The following MEIS1 variants were observed in gnomAD, a reference collection of about 807,000 sequenced individuals.
MEIS1 encodes homeobox protein Meis1.
A neutral mutation model predicts 50.8 loss-of-function variants in MEIS1; 5 were observed. The ratio of observed to expected loss-of-function variants is 0.10; its 90% CI spans 0.05 to 0.21. The LOEUF (loss-of-function observed/expected upper bound fraction) is 0.21. Ranked by LOEUF, MEIS1 falls within the 10% of genes least tolerant of loss-of-function variation. The pLI is 1.00. For missense variants in MEIS1, 318 were observed against 517.3 expected, an observed-to-expected ratio of 0.61 and a Z score of 3.74; for synonymous variants, 176 against 179.3, an observed-to-expected ratio of 0.98 and a Z score of 0.15.
At chr2:66,535,542 C>G (rs761756038) in intron 8 of MEIS1, among the ~76,000 whole-genome samples, 1 of 152,116 alleles carries the variant, frequency 6.6e-6, no homozygotes, top group African/African-American at 2.4e-5. Flanking sequence ...ACATCTGTGC[C>G]GGCATCCGCA....
rs1203636543 is a variant in MEIS1 at position 66,442,913 on chromosome 2, A to G, written c.495A>G (p.Leu165=). 6 of 1,591,082 alleles carry G rather than the reference A, an allele frequency of 3.8e-6. No individual in the cohort carries two copies. Among genetic ancestry groups the G allele is most frequent in the Non-Finnish European group, 5.1e-6 (6 of 1,173,212 alleles). ...CTGTCATAATGTAGGTACACGAATT[A>G]TGTGACAATTTCTGCCACCGGTATA... ...HLLELEKVHE[L]CDNFCHRYIS... is the part of the protein sequence containing the mutation. Residue 165 remains leucine (L), a synonymous_variant, in exon 6 of 13, where the codon TTA becomes TTG. Coordinates refer to ENST00000272369, the MANE Select transcript of MEIS1 (RefSeq NM_002398.3).
chr2:66,551,801 C>T (rs1412417246), intron 9 of MEIS1, among the ~76,000 whole-genome samples: 1 of 151,764 alleles, frequency 6.6e-6, no homozygotes, highest in East Asian at 1.9e-4. Context: ...TCTTTGGTCC[C>T]TTGCTCCCAA....
At chr2:66,568,867 C>T (rs953079485) in intron 11 of MEIS1, 111 bp downstream of exon 11, 5 of 1,152,558 alleles carry the variant, frequency 4.3e-6, no homozygotes, top group East Asian at 2.3e-5. Flanking sequence ...AGCTGGCTGC[C>T]TTGCCTTGTC....
chr2:66,541,738 G>C (rs1674657355), intron 8 of MEIS1, among the ~76,000 whole-genome samples: 1 of 152,200 alleles, frequency 6.6e-6, no homozygotes, highest in Non-Finnish European at 1.5e-5. Flanking sequence ...AACATTTCTG[G>C]CTTCTTAGCC....
chr2:66,512,045 C>T (rs1306724586), intron 7 of MEIS1, 104 bp from the exon 8 acceptor site: 2 of 1,249,512 alleles, frequency 1.6e-6, no homozygotes, highest in African/African-American at 1.6e-5. Context: ...AACTATTAAT[C>T]ATTTAAATTT....
At chr2:66,540,250 T>C (rs1237692956) in intron 8 of MEIS1, among the ~76,000 whole-genome samples, 1 of 152,222 alleles carries the variant, frequency 6.6e-6, no homozygotes, top group African/African-American at 2.4e-5. Flanking sequence ...GATTCAAAAA[T>C]GACACTTCAA....
rs377432573 is a variant in MEIS1, at chr2:66,449,776, A to G, written c.630+6728A>G. On this transcript the variant is annotated intron_variant, in intron 6 of 12. Transcript: ENST00000272369. Reference sequence around the variant, plus strand: ...GACTTTCTTCAAACACTCTTGCTAAATAGCATTTCTTAATCTAGAAAATAT... The same window carrying G: ...GACTTTCTTCAAACACTCTTGCTAAGTAGCATTTCTTAATCTAGAAAATAT... Among the ~76,000 whole-genome samples, 7 of 152,336 alleles carry G rather than the reference A, an allele frequency of 4.6e-5. No individual in the cohort carries two copies. The East Asian group carries it at 9.6e-4, about 21-fold the overall frequency.
intron 9 of MEIS1, among the ~76,000 whole-genome samples, chr2:66,550,789 C>T (rs1170690742): frequency 1.3e-5 from 2 of 152,140 alleles, no homozygotes; most frequent in African/African-American, 4.8e-5. Context: ...TGAGCTACTG[C>T]ACCCACTTAT....
rs201596768 is a variant in MEIS1, at chr2:66,464,104, C to T, written c.631-5C>T. 1 of 1,586,774 alleles carries T rather than the reference C, an allele frequency of 6.3e-7. No homozygotes were observed. Among genetic ancestry groups the T allele is most frequent in the Middle Eastern group, 1.7e-4 (1 of 6,014 alleles). ...TATTTGGGTTTCTGATTTGTGCCCC[C>T]ACAGCCCTCTTGGAACAGAGATCAT... On this transcript the variant is annotated splice_polypyrimidine_tract_variant and splice_region_variant and intron_variant, in intron 6 of 12. Transcript: ENST00000272369.
chr2:66,467,389 G>C (rs1672664944), intron 7 of MEIS1, among the ~76,000 whole-genome samples: 1 of 152,064 alleles, frequency 6.6e-6, no homozygotes. Flanking sequence ...ACAAGGTCAG[G>C]AGTTCAAGAC....
At chr2:66,495,080 CTTTTTTTTTTTTTTTTT>C (rs70943701) in intron 7 of MEIS1, among the ~76,000 whole-genome samples, 1 of 91,492 alleles carries the variant, frequency 1.1e-5, no homozygotes, top group Non-Finnish European at 2.1e-5. Flanking sequence ...CTCTTCTGAC[CTTTTTTTTTTTTTTTTT>C]TTTTTTTTTT....
intron 8 of MEIS1, among the ~76,000 whole-genome samples, chr2:66,529,766 G>A (rs931115627): frequency 3.9e-5 from 6 of 152,178 alleles, no homozygotes; most frequent in Non-Finnish European, 8.8e-5. Flanking sequence ...TAACAAGAAG[G>A]CATGGTTTTT....
Position 66,499,223 on chromosome 2 carries a change from T to C in MEIS1, c.743-12926T>C, listed in dbSNP as rs575043921. 4.6e-5 allele frequency among the ~76,000 whole-genome samples: 7 copies of C among 152,324 alleles called. No homozygotes were observed. In the South Asian group the frequency reaches 8.3e-4, roughly 18 times the overall value. ...AAGAGAATAACAAGTCTTTATTTTT[T>C]TCATCCCAACTTCTTTCTTGCACAT... On this transcript the variant is annotated intron_variant, in intron 7 of 12. Transcript: ENST00000272369.
In MEIS1 at chr2:66,565,634, C is replaced by T. The variant is rs141487794; in HGVS notation, c.966-1819C>T. The stretch of plus-strand genomic sequence containing the variant: ...ACCTAATTTCTCTGAGCCCAGGCTT[C>T]TCATCTGTTAAAAATGTCTCTTCCT... On this transcript the variant is annotated intron_variant, in intron 9 of 12. Transcript: ENST00000272369. Among the ~76,000 whole-genome samples the T allele has an allele frequency of 1.2e-4, 19 of 152,252 alleles. No individual in the cohort carries two copies. The East Asian group carries it at 3.7e-3, about 29-fold the overall frequency.
chr2:66,517,907 G>C (rs1028526043), intron 8 of MEIS1, among the ~76,000 whole-genome samples: 6 of 152,162 alleles, frequency 3.9e-5, no homozygotes, highest in African/African-American at 1.4e-4. Context: ...AAACTGAAAA[G>C]GCTACAGCTG....
rs750403096 is a variant in MEIS1 at position 66,512,238 on chromosome 2, A to G, written c.832A>G (p.Ile278Val). 1.2e-5 allele frequency: 20 copies of G among 1,612,954 alleles called. No homozygotes were observed. The highest frequency in any genetic ancestry group is 1.6e-5 in the Non-Finnish European group (19 of 1,179,594). Residue 278 changes from isoleucine to valine, a missense_variant, in exon 8 of 13, where the codon ATC becomes GTC. This residue lies in a region of MEIS1 where 40 missense variants were observed against 102.8 expected (regional missense o/e 0.39). Transcript: ENST00000272369. Reference protein sequence around the residue: ...KDKKRHKKRGIFPKVATNIMR... With the variant: ...KDKKRHKKRGVFPKVATNIMR... ...CAAAAAGCGTCACAAAAAGCGTGGC[A>G]TCTTTCCCAAAGTAGCCACAAATAT...
chr2:66,531,617 A>G (rs2103895041), intron 8 of MEIS1, among the ~76,000 whole-genome samples: 1 of 152,342 alleles, frequency 6.6e-6, no homozygotes, highest in Non-Finnish European at 1.5e-5. Flanking sequence ...GTACACGGTT[A>G]CACAACGCAT....
At chr2:66,564,407 C>T (rs1379211694) in intron 9 of MEIS1, among the ~76,000 whole-genome samples, 1 of 152,122 alleles carries the variant, frequency 6.6e-6, no homozygotes, top group Non-Finnish European at 1.5e-5. Flanking sequence ...GGGATCAGAG[C>T]AGGCCTGGAA....
intron 7 of MEIS1, among the ~76,000 whole-genome samples, chr2:66,474,673 G>A (rs925824752): frequency 6.6e-6 from 1 of 152,144 alleles, no homozygotes; most frequent in Non-Finnish European, 1.5e-5. Context: ...TTGTGGATTA[G>A]CTCAGTCTTG....
Sources: gnomAD v4.1 joint callset for allele counts (sites outside exome capture counted in the v4.1 genomes callset) on GRCh38, gnomAD v4.1.1 for gene constraint, gnomAD v4.1.1 regional missense constraint, MANE v1.5 for transcripts, NCBI Gene and HGNC (gene_info 2026-07-23, HGNC 2026-07-21) for gene names.